The following NAV2 variants were observed in gnomAD, a reference collection of about 807,000 sequenced individuals.
NAV2 encodes neuron navigator 2.
In NAV2, 54 loss-of-function variants were observed where a neutral mutation model predicts 223.2. The ratio of observed to expected loss-of-function variants is 0.24; its 90% CI spans 0.19 to 0.30. NAV2 has a LOEUF of 0.30. Among genes scored for constraint, NAV2 ranks in the 10% least tolerant of loss-of-function variants. The pLI is 1.00. For synonymous variants in NAV2, 1,279 were observed against 1,239.3 expected, an observed-to-expected ratio of 1.03 and a Z score of -0.67; for missense variants, 2,806 against 3,147.5, an observed-to-expected ratio of 0.89 and a Z score of 2.60.
intron 4 of NAV2, among the ~76,000 whole-genome samples, chr11:19,874,678 CTG>C (rs2062733846): frequency 6.6e-6 from 1 of 152,174 alleles, no homozygotes; most frequent in Non-Finnish European, 1.5e-5. Context: ...ATGGTAGAAA[CTG>C]TGTGGCTGTC....
chr11:20,040,089 T>C (rs530753960), intron 12 of NAV2, among the ~76,000 whole-genome samples: 2 of 152,358 alleles, frequency 1.3e-5, no homozygotes, highest in Non-Finnish European at 2.9e-5. Flanking sequence ...AGGGACACAG[T>C]GCCTGGCAGG....
At chr11:19,668,532 CAAAAAAAAAAA>C (rs762975832) in intron 1 of NAV2, among the ~76,000 whole-genome samples, 3 of 64,890 alleles carry the variant, frequency 4.6e-5, no homozygotes, top group African/African-American at 2.0e-4. Flanking sequence ...GACTCGGTCT[CAAAAAAAAAAA>C]AAAAAAAAAA....
At chr11:19,622,832 G>A (rs918881952) in intron 1 of NAV2, among the ~76,000 whole-genome samples, 2 of 152,114 alleles carry the variant, frequency 1.3e-5, no homozygotes, top group Non-Finnish European at 2.9e-5. Context: ...TATTTTGCTC[G>A]TTAGTTGATG....
chr11:19,740,118 A>C (rs1419399214), intron 1 of NAV2, among the ~76,000 whole-genome samples: 3 of 152,192 alleles, frequency 2.0e-5, no homozygotes, highest in African/African-American at 7.2e-5. Flanking sequence ...GTACCCTGTG[A>C]CATGCTGGAA....
intron 10 of NAV2, among the ~76,000 whole-genome samples, chr11:19,983,532 C>G (rs2050485065): frequency 6.6e-6 from 1 of 152,206 alleles, no homozygotes; most frequent in Non-Finnish European, 1.5e-5. Flanking sequence ...CCTTATCTCA[C>G]TAATTCTCAT....
intron 10 of NAV2, among the ~76,000 whole-genome samples, chr11:19,976,292 A>G (rs2049739173): frequency 2.0e-5 from 3 of 152,252 alleles, no homozygotes; most frequent in Admixed American, 6.5e-5. Flanking sequence ...CTACTGCTCC[A>G]TGGCCCGTAT....
chr11:19,880,130 G>A lies in NAV2; in HGVS notation c.770+3G>A. 1 of 1,570,378 alleles carries A rather than the reference G, an allele frequency of 6.4e-7. No homozygotes were observed. Among genetic ancestry groups the A allele is most frequent in the South Asian group, 1.2e-5 (1 of 84,210 alleles). On this transcript the variant is annotated splice_donor_region_variant and intron_variant, in intron 5 of 37. Coordinates refer to ENST00000349880, the MANE Select transcript of NAV2 (RefSeq NM_145117.5). ...GCACAAGCTGAAATGCAGTCCAGGTGGGGGCTCCTTGCCAACTGATGGTTC... is the reference window on the plus strand; with the variant it reads ...GCACAAGCTGAAATGCAGTCCAGGTAGGGGCTCCTTGCCAACTGATGGTTC...
intron 1 of NAV2, among the ~76,000 whole-genome samples, chr11:19,656,822 G>A (rs1487116536): frequency 2.0e-5 from 3 of 152,176 alleles, no homozygotes; most frequent in African/African-American, 7.2e-5. Flanking sequence ...GGAAGCGGTC[G>A]GATTCAGGAT....
chr11:19,651,901 G>T (rs1474712299), intron 1 of NAV2, among the ~76,000 whole-genome samples: 1 of 152,078 alleles, frequency 6.6e-6, no homozygotes, highest in Non-Finnish European at 1.5e-5. Flanking sequence ...ACCATTTCTG[G>T]CAGGATGAGT....
chr11:19,549,719 G>T (rs776177372), intron 1 of NAV2, among the ~76,000 whole-genome samples: 13 of 152,238 alleles, frequency 8.5e-5, no homozygotes, highest in Non-Finnish European at 1.8e-4. Flanking sequence ...CTCACAGGAG[G>T]TGTCTGAGAG....
chr11:19,421,000 T>C (rs1350572253), intron 1 of NAV2, among the ~76,000 whole-genome samples: 1 of 152,216 alleles, frequency 6.6e-6, no homozygotes, highest in East Asian at 1.9e-4. Flanking sequence ...CTGCCATAAC[T>C]AGATCTCTGA....
intron 8 of NAV2, among the ~76,000 whole-genome samples, chr11:19,945,066 T>C (rs1368329537): frequency 6.7e-6 from 1 of 149,218 alleles, no homozygotes; most frequent in Non-Finnish European, 1.5e-5. Flanking sequence ...CTCTTTCCTT[T>C]CCTTTCCTTT....
At chr11:19,896,827 T>G (rs921520614) in intron 6 of NAV2, among the ~76,000 whole-genome samples, 2 of 152,238 alleles carry the variant, frequency 1.3e-5, no homozygotes, top group Admixed American at 6.5e-5. Flanking sequence ...AGTGTGGTGA[T>G]TCCTCAGGGA....
intron 6 of NAV2, among the ~76,000 whole-genome samples, chr11:19,909,990 A>G (rs1037203696): frequency 1.3e-5 from 2 of 152,148 alleles, no homozygotes; most frequent in African/African-American, 4.8e-5. Context: ...CAACAAAGAA[A>G]ATGGTAACAG....
intron 1 of NAV2, among the ~76,000 whole-genome samples, chr11:19,725,329 G>A (rs2051146000): frequency 6.6e-6 from 1 of 152,166 alleles, no homozygotes; most frequent in African/African-American, 2.4e-5. Flanking sequence ...CCTCAGTGCT[G>A]CCGCCCACTA....
At chr11:19,731,050 A>G in intron 1 of NAV2, among the ~76,000 whole-genome samples, 1 of 152,260 alleles carries the variant, frequency 6.6e-6, no homozygotes, top group East Asian at 1.9e-4. Context: ...TTCAGATTTA[A>G]CTGGGCATCC....
chr11:19,592,158 A>C (rs533598500), intron 1 of NAV2, among the ~76,000 whole-genome samples: 2 of 152,230 alleles, frequency 1.3e-5, no homozygotes, highest in Admixed American at 1.3e-4. Flanking sequence ...TTTGTTGCTC[A>C]TTCAGCGCCT....
intron 1 of NAV2, among the ~76,000 whole-genome samples, chr11:19,545,304 A>C (rs1251521510): frequency 1.3e-5 from 2 of 152,222 alleles, no homozygotes; most frequent in Non-Finnish European, 2.9e-5. Context: ...CCGGGCAGCC[A>C]ACTGAATTAT....
chr11:19,387,034 C>A (rs1247428202), intron 1 of NAV2, among the ~76,000 whole-genome samples: 1 of 152,142 alleles, frequency 6.6e-6, no homozygotes, highest in East Asian at 1.9e-4. Flanking sequence ...CTCCAAGTAT[C>A]CTTTTTTTGT....
Sources: gnomAD v4.1 joint callset for allele counts (sites outside exome capture counted in the v4.1 genomes callset) on GRCh38, gnomAD v4.1.1 for gene constraint, MANE v1.5 for transcripts, NCBI Gene and HGNC (gene_info 2026-07-23, HGNC 2026-07-21) for gene names.